UNC13B: variants seen among roughly 807,000 people sequenced by gnomAD.
UNC13B encodes the protein protein unc-13 homolog B.
In UNC13B, 144 loss-of-function variants were observed where a neutral mutation model predicts 211.0. The observed-to-expected ratio is 0.68, with a 90% CI of 0.60 to 0.78. The LOEUF is 0.78. Ranked by LOEUF, UNC13B falls within the 30% of genes least tolerant of loss-of-function variation. The probability of loss-of-function intolerance (pLI) is 0.00; values close to 1 mark genes in which losing one functional copy is unlikely to be tolerated. For synonymous variants in UNC13B, 709 were observed against 725.8 expected (o/e 0.98, Z 0.37); for missense variants, 1,777 against 2,002.0 (o/e 0.89, Z 2.14).
chr9:35,397,179 T>C lies in UNC13B; in HGVS notation c.11545T>C (p.Ser3849Pro). The change falls in exon 29 of 40, where the codon TCA (serine) becomes CCA (proline). Residue 3849 changes from serine (S) to proline (P), a missense_variant. Ser to Pro is a moderately conservative substitution (Grantham distance 74). Coordinates refer to ENST00000635942, the MANE Select transcript of UNC13B (RefSeq NM_001371189.2). ...RDKKDGFQQT[S>P]EHALFSCSVV... Reference sequence around the variant, plus strand: ...TGGTCTTCCTTAGTTCCAGCAGACATCAGAGCATGCACTCTTTTCCTGCTC... The same window carrying C: ...TGGTCTTCCTTAGTTCCAGCAGACACCAGAGCATGCACTCTTTTCCTGCTC... 1 of 1,614,136 alleles carries C rather than the reference T, an allele frequency of 6.2e-7. No homozygotes were observed. Among genetic ancestry groups the C allele is most frequent in the Non-Finnish European group, 8.5e-7 (1 of 1,180,012 alleles).
intron 7 of UNC13B, among the ~76,000 whole-genome samples, chr9:35,274,191 C>G (rs558127479): frequency 1.3e-5 from 2 of 152,174 alleles, no homozygotes; most frequent in Non-Finnish European, 2.9e-5. Flanking sequence ...AGATATATCT[C>G]TTAGAGAGCT....
At position 35,335,055 on chromosome 9, in the gene UNC13B, A is replaced by T. The variant is rs909411110; in HGVS notation, c.9414+21066A>T. ...TCCGTCTCAAAACAAATAAAAAATT[A>T]AAAAAATTAAGTGGTATTACACGGC... On this transcript the variant is annotated intron_variant, in intron 11 of 39. Coordinates refer to ENST00000635942, the MANE Select transcript of UNC13B (RefSeq NM_001371189.2). Among the ~76,000 whole-genome samples the T allele has an allele frequency of 4.6e-5, 7 of 152,176 alleles. No individual in the cohort carries two copies. The South Asian group carries it at 6.2e-4, about 14-fold the overall frequency.
chr9:35,205,794 A>G (rs1358089176), intron 1 of UNC13B, among the ~76,000 whole-genome samples: 1 of 152,218 alleles, frequency 6.6e-6, no homozygotes, highest in African/African-American at 2.4e-5. Context: ...TTATTCATTC[A>G]TCAGTTGATG....
chr9:35,280,942 T>C (rs1828447642), intron 7 of UNC13B, among the ~76,000 whole-genome samples: 1 of 152,194 alleles, frequency 6.6e-6, no homozygotes, highest in South Asian at 2.1e-4. Context: ...GTGTTGTATA[T>C]GCATAAAGGT....
At chr9:35,360,062 A>G (rs145800213) in intron 11 of UNC13B, among the ~76,000 whole-genome samples, 2 of 152,156 alleles carry the variant, frequency 1.3e-5, no homozygotes, top group Non-Finnish European at 2.9e-5. Flanking sequence ...TGCATTTGCT[A>G]TATGTTCTTC....
intron 26 of UNC13B, among the ~76,000 whole-genome samples, chr9:35,392,862 T>C (rs1835628728): frequency 2.0e-5 from 3 of 152,106 alleles, no homozygotes. Flanking sequence ...ATGCTGTCCG[T>C]CACCAAATAT....
Position 35,192,453 on chromosome 9 carries a change from C to T in UNC13B, c.22+30148C>T, listed in dbSNP as rs549535658. Among the ~76,000 whole-genome samples, 30 of 152,354 alleles carry T rather than the reference C, an allele frequency of 2.0e-4. No homozygotes were observed. In the South Asian group the frequency reaches 6.0e-3, roughly 30 times the overall value. On this transcript the variant is annotated intron_variant, in intron 1 of 39. Transcript: ENST00000635942. Reference sequence around the variant, plus strand: ...GGGGTTTGGCTTAGAAGCAGCATAACATCCCTTCATGAGAGGTTAAACACC... The same window carrying T: ...GGGGTTTGGCTTAGAAGCAGCATAATATCCCTTCATGAGAGGTTAAACACC...
intron 7 of UNC13B, among the ~76,000 whole-genome samples, chr9:35,270,337 A>ATG (rs1350156331): frequency 2.0e-5 from 2 of 98,310 alleles, no homozygotes; most frequent in African/African-American, 3.3e-5. Context: ...CTATGTATAT[A>ATG]TATGTGTGTG....
chr9:35,257,318 T>A (rs1826943925), intron 6 of UNC13B, among the ~76,000 whole-genome samples: 1 of 140,286 alleles, frequency 7.1e-6, no homozygotes, highest in African/African-American at 2.7e-5. Flanking sequence ...AATATAAATA[T>A]TTATAAAAAT....
chr9:35,276,474 G>T (rs1321342841), intron 7 of UNC13B, among the ~76,000 whole-genome samples: 1 of 152,012 alleles, frequency 6.6e-6, no homozygotes, highest in Non-Finnish European at 1.5e-5. Context: ...TTATTCCTGG[G>T]TCAAGAACTT....
intron 11 of UNC13B, among the ~76,000 whole-genome samples, chr9:35,340,458 ATGCT>A (rs1426036893): frequency 1.6e-4 from 24 of 152,280 alleles, no homozygotes; most frequent in Middle Eastern, 3.4e-3. Flanking sequence ...CTTAATTTAA[ATGCT>A]TGTTTTATCT....
chr9:35,200,588 T>G (rs1823223699), intron 1 of UNC13B, among the ~76,000 whole-genome samples: 1 of 152,204 alleles, frequency 6.6e-6, no homozygotes, highest in African/African-American at 2.4e-5. Context: ...TTTTATTCTC[T>G]TTGAAGCAAT....
At chr9:35,314,410 A>T (rs1411272957) in intron 11 of UNC13B, among the ~76,000 whole-genome samples, 1 of 152,204 alleles carries the variant, frequency 6.6e-6, no homozygotes, top group Non-Finnish European at 1.5e-5. Flanking sequence ...TAAGTCCCAA[A>T]GTATCAGCAC....
Position 35,243,286 on chromosome 9 carries a change from G to A in UNC13B, c.395-5G>A, listed in dbSNP as rs1300820702. 6.2e-7 allele frequency: 1 copy of A among 1,611,886 alleles called. No individual in the cohort carries two copies. Among genetic ancestry groups the A allele is most frequent in the Non-Finnish European group, 8.5e-7 (1 of 1,178,856 alleles). The stretch of plus-strand genomic sequence containing the variant: ...CTTTTCTTTTTCTTCTTTTTTTTAT[G>A]GTAGATATCCCAGAGGAGGAAGCCA... On this transcript the variant is annotated splice_region_variant and splice_polypyrimidine_tract_variant and intron_variant, in intron 5 of 39. Coordinates refer to ENST00000635942, the MANE Select transcript of UNC13B (RefSeq NM_001371189.2).
chr9:35,258,298 CCT>C (rs1171034068), intron 6 of UNC13B, among the ~76,000 whole-genome samples: 2 of 152,174 alleles, frequency 1.3e-5, no homozygotes, highest in East Asian at 1.9e-4. Context: ...TCTGTGTACC[CCT>C]GTTAATTTGT....
intron 6 of UNC13B, among the ~76,000 whole-genome samples, chr9:35,252,005 A>G (rs988603579): frequency 1.3e-5 from 2 of 152,124 alleles, no homozygotes; most frequent in South Asian, 4.1e-4. Flanking sequence ...GAATCATCTT[A>G]GCTGTAAAAT....
At chr9:35,324,254 G>A (rs1484606506) in intron 11 of UNC13B, among the ~76,000 whole-genome samples, 1 of 152,124 alleles carries the variant, frequency 6.6e-6, no homozygotes, top group African/African-American at 2.4e-5. Context: ...AGTTTCTAGA[G>A]TCATTAATAG....
chr9:35,329,701 C>T (rs746912702), intron 11 of UNC13B, among the ~76,000 whole-genome samples: 5 of 152,036 alleles, frequency 3.3e-5, no homozygotes, highest in Non-Finnish European at 7.4e-5. Context: ...GTTGCCCAGG[C>T]TGGTCTCGAA....
chr9:35,196,999 G>A (rs1337636135), intron 1 of UNC13B, among the ~76,000 whole-genome samples: 1 of 152,050 alleles, frequency 6.6e-6, no homozygotes, highest in African/African-American at 2.4e-5. Context: ...TTGAGCTCCT[G>A]TGCTCAAGCA....
Sources: allele counts gnomAD v4.1 joint callset (sites outside exome capture counted in the v4.1 genomes callset), GRCh38; gene constraint gnomAD v4.1.1; transcripts MANE v1.5; gene names NCBI Gene and HGNC (gene_info 2026-07-23, HGNC 2026-07-21).